Variants in UAP1 observed in about 807,000 individuals in gnomAD.
UAP1 encodes the protein UDP-N-acetylhexosamine pyrophosphorylase.
Under a neutral mutation model 58.5 loss-of-function variants are expected in UAP1, and 25 were observed. The ratio of observed to expected loss-of-function variants is 0.43; its 90% confidence interval spans 0.31 to 0.60. The LOEUF (loss-of-function observed/expected upper bound fraction) is 0.60, where lower values mean the gene tolerates loss of function less well. Ranked by LOEUF, UAP1 falls within the 20% of genes least tolerant of loss-of-function variation. The probability of loss-of-function intolerance (pLI) is 0.11; values close to 1 mark genes in which losing one functional copy is unlikely to be tolerated. For synonymous variants in UAP1, 208 were observed against 213.0 expected, an observed-to-expected ratio of 0.98 and a Z score of 0.21; for missense variants, 575 against 630.0, an observed-to-expected ratio of 0.91 and a Z score of 0.93.
intron 3 of UAP1, among the ~76,000 whole-genome samples, chr1:162,577,435 C>CATTT (rs779214500): frequency 1.1e-5 from 1 of 95,212 alleles, no homozygotes. Flanking sequence ...AGTTCCTTCC[C>CATTT]TTTTTTTTTT....
intron 3 of UAP1, among the ~76,000 whole-genome samples, chr1:162,579,038 A>G (rs553436351): frequency 1.6e-4 from 25 of 152,332 alleles, no homozygotes; most frequent in Admixed American, 1.4e-3. Context: ...ATTTCAATAA[A>G]AAGAACCCCA....
exon 8 of UAP1, chr1:162,590,464 G>A (rs775873763): frequency 1.2e-5 from 20 of 1,608,340 alleles, no homozygotes; most frequent in Non-Finnish European, 1.4e-5. Context: ...TCAATGCAGG[G>A]GGCCATTTCA....
chr1:162,590,223 G>A (rs563737527), intron 7 of UAP1, 100 bp from the exon 8 acceptor site: 4 of 879,398 alleles, frequency 4.5e-6, no homozygotes, highest in East Asian at 5.4e-5. Context: ...ATTGGAATAG[G>A]AAAGCCTATT....
chr1:162,595,162 TTTACATTTGG>T (rs1268182150), intron 9 of UAP1, among the ~76,000 whole-genome samples: 1 of 152,192 alleles, frequency 6.6e-6, no homozygotes, highest in Non-Finnish European at 1.5e-5. Flanking sequence ...ATCCTGAGAT[TTTACATTTGG>T]TGATGGTAGC....
chr1:162,582,851 C>T (rs554920209), intron 5 of UAP1, among the ~76,000 whole-genome samples: 22 of 152,338 alleles, frequency 1.4e-4, no homozygotes, highest in African/African-American at 5.3e-4. Context: ...CTTAAATTTA[C>T]TGATACAAGT....
rs111817540 is a variant in UAP1, at chr1:162,596,542, T to C, written c.1410-1250T>C. ...ATGAAATGCAGTGGTCAAGAGAAGA[T>C]TGGGGCTTGAGCCAAATCTTGGAGG... On this transcript the variant is annotated intron_variant, in intron 9 of 10. Coordinates refer to ENST00000271469, the Ensembl canonical transcript of UAP1. 6.8e-3 allele frequency among the ~76,000 whole-genome samples: 1,034 copies of C among 152,306 alleles called. 12 individuals carry two copies. Among genetic ancestry groups the C allele is most frequent in the African/African-American group, 0.023 (967 of 41,568 alleles).
At chr1:162,569,489 A>C (rs1488617363) in intron 2 of UAP1, among the ~76,000 whole-genome samples, 1 of 152,230 alleles carries the variant, frequency 6.6e-6, no homozygotes, top group East Asian at 1.9e-4. Flanking sequence ...GAGCAACTAG[A>C]AAATCTTTAT....
intron 6 of UAP1, chr1:162,588,066 T>G (rs1241285148): frequency 6.3e-6 from 1 of 158,162 alleles, no homozygotes; most frequent in South Asian, 2.0e-4. Flanking sequence ...GGCATCTATA[T>G]TTTTAGAAAG....
In UAP1 at chr1:162,587,678, A is replaced by G. The variant is rs770331756; in HGVS notation, c.1028+10A>G. On this transcript the variant is annotated intron_variant, in intron 6 of 10. Coordinates refer to ENST00000271469, the Ensembl canonical transcript of UAP1. ...TGAGAGATGTTGTCAAGTATGGGCAAGATGGGGGCCTTTTAAAATTATATT... is the reference window on the plus strand; with the variant it reads ...TGAGAGATGTTGTCAAGTATGGGCAGGATGGGGGCCTTTTAAAATTATATT... 1.2e-6 allele frequency: 2 copies of G among 1,603,362 alleles called. No homozygotes were observed. Among genetic ancestry groups the G allele is most frequent in the Admixed American group, 1.7e-5 (1 of 58,292 alleles).
chr1:162,596,094 C>T (rs971322419), intron 9 of UAP1, among the ~76,000 whole-genome samples: 5 of 152,120 alleles, frequency 3.3e-5, no homozygotes, highest in African/African-American at 1.2e-4. Flanking sequence ...CTCAAGTGAT[C>T]TGCCCACCTT....
At chr1:162,587,145 A>G (rs1355869834) in intron 5 of UAP1, among the ~76,000 whole-genome samples, 3 of 152,188 alleles carry the variant, frequency 2.0e-5, no homozygotes, top group Non-Finnish European at 4.4e-5. Context: ...AATAAAAAGT[A>G]CAAGATACAT....
At chr1:162,573,823 G>A (rs1453545765) in intron 2 of UAP1, among the ~76,000 whole-genome samples, 1 of 151,916 alleles carries the variant, frequency 6.6e-6, no homozygotes, top group Non-Finnish European at 1.5e-5. Flanking sequence ...AATTAGCTAA[G>A]TGCGCTGGTG....
intron 5 of UAP1, among the ~76,000 whole-genome samples, chr1:162,582,643 T>A (rs1654658639): frequency 6.6e-6 from 1 of 152,138 alleles, no homozygotes; most frequent in Admixed American, 6.5e-5. Context: ...TAGAAGAAAA[T>A]TAGAAGAATT....
At chr1:162,587,369 A>G in intron 5 of UAP1, 106 bp from the exon 6 acceptor site, 3 of 1,020,468 alleles carry the variant, frequency 2.9e-6, no homozygotes, top group African/African-American at 1.6e-5. Context: ...TTGGCTTTAT[A>G]CCTTTTAGTG....
At chr1:162,599,936 G>A (rs1655834815), downstream of UAP1, 1 of 152,212 alleles carries the variant, frequency 6.6e-6, no homozygotes, top group African/African-American at 2.4e-5. Flanking sequence ...CTTCAGTGAG[G>A]TTGCAGAGTC....
At chr1:162,591,531 G>T (rs1277742665) in intron 8 of UAP1, among the ~76,000 whole-genome samples, 1 of 152,146 alleles carries the variant, frequency 6.6e-6, no homozygotes, top group Non-Finnish European at 1.5e-5. Context: ...TGTCACCCAG[G>T]CTGGAGTGCA....
intron 9 of UAP1, among the ~76,000 whole-genome samples, chr1:162,595,100 T>A (rs1655541149): frequency 6.6e-6 from 1 of 152,244 alleles, no homozygotes. Flanking sequence ...ACCAAAAGGA[T>A]GCATGGCTAA....
intron 5 of UAP1, 55 bp downstream of exon 5, chr1:162,581,514 C>T (rs558592897): frequency 1.2e-5 from 19 of 1,521,030 alleles, no homozygotes; most frequent in South Asian, 3.8e-5. Context: ...CTGTCATATA[C>T]GCATTCCAGA....
chr1:162,589,183 T>TATAA (rs1557977543), intron 7 of UAP1, among the ~76,000 whole-genome samples: 5 of 90,782 alleles, frequency 5.5e-5, no homozygotes, highest in African/African-American at 2.0e-4. Flanking sequence ...ATATTATATA[T>TATAA]AATATATATT....
Sources: gnomAD v4.1 joint callset for allele counts (sites outside exome capture counted in the v4.1 genomes callset) on GRCh38, gnomAD v4.1.1 for gene constraint, MANE v1.5 for transcripts, NCBI Gene and HGNC (gene_info 2026-07-23, HGNC 2026-07-21) for gene names.